ADAMTS12: variants seen among roughly 807,000 people sequenced by gnomAD.
ADAMTS12 encodes the protein ADAM metallopeptidase with thrombospondin type 1 motif 12.
In ADAMTS12, 118 loss-of-function variants were observed where a neutral mutation model predicts 167.8. The ratio of observed to expected loss-of-function variants is 0.70; its 90% CI spans 0.61 to 0.82. ADAMTS12 has a LOEUF of 0.82. Ranked by LOEUF, ADAMTS12 falls within the 40% of genes least tolerant of loss-of-function variation. ADAMTS12 has a pLI of 0.00. For synonymous variants in ADAMTS12, 704 were observed against 716.9 expected, an observed-to-expected ratio of 0.98 and a Z score of 0.29; for missense variants, 1,916 against 1,998.8, an observed-to-expected ratio of 0.96 and a Z score of 0.79.
intron 3 of ADAMTS12, among the ~76,000 whole-genome samples, chr5:33,703,494 T>A (rs936859031): frequency 6.6e-6 from 1 of 152,134 alleles, no homozygotes; most frequent in Non-Finnish European, 1.5e-5. Flanking sequence ...TGTACAGATC[T>A]CCAGATCTTA....
chr5:33,639,523 T>A (rs1740359212), intron 11 of ADAMTS12, among the ~76,000 whole-genome samples: 1 of 152,172 alleles, frequency 6.6e-6, no homozygotes, highest in Non-Finnish European at 1.5e-5. Context: ...GACTGGAAAG[T>A]CCTTCTCAGT....
chr5:33,566,814 G>A (rs1021500446), intron 19 of ADAMTS12, among the ~76,000 whole-genome samples: 1 of 152,164 alleles, frequency 6.6e-6, no homozygotes, highest in Non-Finnish European at 1.5e-5. Context: ...TCTAGACAAC[G>A]GAATGTAGGC....
chr5:33,606,464 T>C (rs1308353251), intron 16 of ADAMTS12, among the ~76,000 whole-genome samples: 2 of 152,328 alleles, frequency 1.3e-5, no homozygotes, highest in South Asian at 2.1e-4. Flanking sequence ...TATTGACCCA[T>C]ATGGTCAAGA....
At chr5:33,533,265 C>T (rs1179753666) in intron 23 of ADAMTS12, among the ~76,000 whole-genome samples, 1 of 152,164 alleles carries the variant, frequency 6.6e-6, no homozygotes, top group East Asian at 1.9e-4. Flanking sequence ...TAAGTTGTTG[C>T]TTCAGTTATA....
intron 17 of ADAMTS12, among the ~76,000 whole-genome samples, chr5:33,590,306 C>A (rs1347639595): frequency 6.6e-6 from 1 of 152,120 alleles, no homozygotes; most frequent in Non-Finnish European, 1.5e-5. Flanking sequence ...GGACATATTG[C>A]CTGTGATTTT....
intron 21 of ADAMTS12, 40 bp from the exon 22 acceptor site, chr5:33,546,242 G>A (rs769419295): frequency 8.9e-6 from 14 of 1,576,436 alleles, no homozygotes; most frequent in Admixed American, 5.5e-5. Flanking sequence ...AAAGTCAGGT[G>A]GAGACATGTT....
intron 3 of ADAMTS12, among the ~76,000 whole-genome samples, chr5:33,688,928 C>A (rs1318100295): frequency 6.6e-6 from 1 of 152,142 alleles, no homozygotes; most frequent in Non-Finnish European, 1.5e-5. Flanking sequence ...TTACTACTGC[C>A]TTGTTTGAGG....
At chr5:33,856,117 T>C (rs1749394354) in intron 2 of ADAMTS12, among the ~76,000 whole-genome samples, 1 of 152,180 alleles carries the variant, frequency 6.6e-6, no homozygotes, top group African/African-American at 2.4e-5. Context: ...ACCTGAATGA[T>C]TTCGAGAAAT....
chr5:33,661,555 C>T (rs1741260474), intron 6 of ADAMTS12, among the ~76,000 whole-genome samples: 1 of 152,098 alleles, frequency 6.6e-6, no homozygotes. Context: ...ATTGGAAATC[C>T]CACTGGTTAA....
At position 33,710,216 on chromosome 5, in the gene ADAMTS12, A is replaced by G. The variant is rs144428593; in HGVS notation, c.635-26161T>C. Among the ~76,000 whole-genome samples the G allele has an allele frequency of 2.5e-3, 384 of 152,284 alleles. 1 individual carries two copies. The highest frequency in any genetic ancestry group is 5.0e-3 in the Non-Finnish European group (341 of 68,006). On this transcript the variant is annotated intron_variant, in intron 3 of 23. Transcript: ENST00000504830. Reference sequence around the variant, plus strand: ...AGAGTTTTAAATTTGGAAAATAAAAATTCCTGAAGGCTCCAGCAACGTGTT... The same window carrying G: ...AGAGTTTTAAATTTGGAAAATAAAAGTTCCTGAAGGCTCCAGCAACGTGTT...
intron 20 of ADAMTS12, among the ~76,000 whole-genome samples, chr5:33,553,003 TACAAAAAACAAAAA>T (rs563240492): frequency 6.6e-6 from 1 of 151,698 alleles, no homozygotes; most frequent in Non-Finnish European, 1.5e-5. Context: ...GTTAAATTTA[TACAAAAAACAAAAA>T]ACAAAAAACA....
At chr5:33,541,601 A>T (rs1249628084) in intron 22 of ADAMTS12, among the ~76,000 whole-genome samples, 1 of 152,248 alleles carries the variant, frequency 6.6e-6, no homozygotes, top group East Asian at 1.9e-4. Context: ...CGGGTTACCC[A>T]CAAAGGGAAG....
intron 12 of ADAMTS12, among the ~76,000 whole-genome samples, chr5:33,635,904 G>A (rs1488604975): frequency 4.6e-5 from 7 of 152,130 alleles, no homozygotes; most frequent in South Asian, 4.1e-4. Flanking sequence ...AGAAACTACC[G>A]GGATAGAGGA....
chr5:33,658,325 A>G lies in ADAMTS12; in HGVS notation c.1049T>C (p.Ile350Thr), dbSNP rs751559085. 3 of 1,613,372 alleles carry G rather than the reference A, an allele frequency of 1.9e-6. No homozygotes were observed. Among genetic ancestry groups the G allele is most frequent in the Non-Finnish European group, 2.5e-6 (3 of 1,179,552 alleles). The change falls in exon 7 of 24, where the codon ATC (isoleucine) becomes ACC (threonine). Residue 350 changes from isoleucine (I) to threonine (T), a missense_variant. Physicochemically the swap from Ile to Thr is moderately conservative, Grantham distance 89. Transcript: ENST00000504830. ...DVAVLLTRKD[I>T]CAGFNRPCET... The stretch of plus-strand genomic sequence containing the variant: ...GCAGGGGCGATTGAAACCAGCACAG[A>G]TGTCCTTTCTGAAAGCAGAGAATAC...
At chr5:33,542,206 C>CA (rs1744739980) in intron 22 of ADAMTS12, among the ~76,000 whole-genome samples, 1 of 151,894 alleles carries the variant, frequency 6.6e-6, no homozygotes, top group South Asian at 2.1e-4. Flanking sequence ...TCTGATAAAA[C>CA]AGACTTTAAA....
intron 3 of ADAMTS12, among the ~76,000 whole-genome samples, chr5:33,703,940 G>A (rs1326398192): frequency 6.6e-6 from 1 of 152,154 alleles, no homozygotes; most frequent in African/African-American, 2.4e-5. Flanking sequence ...AGACAGGCCA[G>A]TTTTAGCTAG....
intron 3 of ADAMTS12, among the ~76,000 whole-genome samples, chr5:33,700,948 G>A (rs962217451): frequency 1.3e-5 from 2 of 152,108 alleles, no homozygotes; most frequent in African/African-American, 4.8e-5. Context: ...AATTCCTAGT[G>A]CAGAGCCAGT....
At chr5:33,775,172 C>T (rs1000938277) in intron 2 of ADAMTS12, among the ~76,000 whole-genome samples, 4 of 152,180 alleles carry the variant, frequency 2.6e-5, no homozygotes, top group Non-Finnish European at 5.9e-5. Context: ...TTGGCACAAA[C>T]TGACATCCCA....
intron 2 of ADAMTS12, among the ~76,000 whole-genome samples, chr5:33,771,978 T>G (rs1266097934): frequency 6.6e-6 from 1 of 152,050 alleles, no homozygotes; most frequent in African/African-American, 2.4e-5. Context: ...CACCTCAGCC[T>G]ACCAAACAGC....
Sources: allele counts gnomAD v4.1 joint callset (sites outside exome capture counted in the v4.1 genomes callset), GRCh38; gene constraint gnomAD v4.1.1; transcripts MANE v1.5; gene names NCBI Gene and HGNC (gene_info 2026-07-23, HGNC 2026-07-21).